The following FHIP1A variants were observed in gnomAD, a reference collection of about 807,000 sequenced individuals.
FHIP1A encodes the protein FHF complex subunit HOOK-interacting protein 1A.
A neutral mutation model predicts 88.6 loss-of-function variants in FHIP1A; 61 were observed. The ratio of observed to expected loss-of-function variants is 0.69; its 90% CI spans 0.56 to 0.85. The LOEUF (loss-of-function observed/expected upper bound fraction) is 0.85, where lower values mean the gene tolerates loss of function less well. Ranked by LOEUF, FHIP1A falls within the 40% of genes least tolerant of loss-of-function variation. FHIP1A has a pLI of 0.00. For missense variants in FHIP1A, 1,154 were observed against 1,273.5 expected (o/e 0.91, Z 1.43); for synonymous variants, 478 against 496.0 (o/e 0.96, Z 0.48).
chr4:151,659,868 G>T (rs1369068940), intron 13 of FHIP1A, among the ~76,000 whole-genome samples: 2 of 152,208 alleles, frequency 1.3e-5, no homozygotes, highest in Non-Finnish European at 2.9e-5. Context: ...CGGACGTCCT[G>T]TTCCCAGTTC....
intron 7 of FHIP1A, among the ~76,000 whole-genome samples, chr4:151,606,323 G>A (rs1039329820): frequency 5.9e-5 from 9 of 152,152 alleles, no homozygotes; most frequent in Admixed American, 4.6e-4. Flanking sequence ...GAGGAAAAAC[G>A]TCTTGAAGTT....
At chr4:151,617,528 G>C (rs746325587) in intron 7 of FHIP1A, among the ~76,000 whole-genome samples, 33 of 152,118 alleles carry the variant, frequency 2.2e-4, no homozygotes, top group Non-Finnish European at 2.9e-5. Flanking sequence ...CCTCTGAACA[G>C]TTCATTCTTG....
intron 3 of FHIP1A, among the ~76,000 whole-genome samples, chr4:151,530,649 AATTGTC>A (rs1731838334): frequency 6.6e-6 from 1 of 152,156 alleles, no homozygotes; most frequent in Admixed American, 6.5e-5. Context: ...AAACGTTTGC[AATTGTC>A]AACTCCTTCT....
At chr4:151,653,434 A>G (rs1737108638) in intron 11 of FHIP1A, among the ~76,000 whole-genome samples, 1 of 151,876 alleles carries the variant, frequency 6.6e-6, no homozygotes, top group African/African-American at 2.4e-5. Context: ...GGGTAAGAGC[A>G]CTGGAACAGG....
chr4:151,427,369 A>G (rs903680437), intron 1 of FHIP1A, among the ~76,000 whole-genome samples: 4 of 152,156 alleles, frequency 2.6e-5, no homozygotes, highest in Non-Finnish European at 5.9e-5. Context: ...GCAAAAGCTT[A>G]AAATTAGACT....
intron 1 of FHIP1A, among the ~76,000 whole-genome samples, chr4:151,422,905 G>A (rs1231247186): frequency 1.3e-5 from 2 of 152,138 alleles, no homozygotes; most frequent in Admixed American, 6.5e-5. Context: ...CCAGTGAATC[G>A]CCATCACTGT....
intron 7 of FHIP1A, among the ~76,000 whole-genome samples, chr4:151,626,316 G>A (rs1334614242): frequency 6.6e-6 from 1 of 152,132 alleles, no homozygotes; most frequent in Admixed American, 6.6e-5. Context: ...AAGATTCTCG[G>A]CATGAAGAAG....
chr4:151,583,073 G>A (rs1024245202), intron 5 of FHIP1A, among the ~76,000 whole-genome samples: 2 of 152,016 alleles, frequency 1.3e-5, no homozygotes, highest in African/African-American at 4.8e-5. Flanking sequence ...GGTCCAACTT[G>A]TTCACTACTC....
chr4:151,580,392 C>T (rs1200980555), intron 5 of FHIP1A, among the ~76,000 whole-genome samples: 1 of 152,168 alleles, frequency 6.6e-6, no homozygotes, highest in Non-Finnish European at 1.5e-5. Flanking sequence ...TATTGCATTA[C>T]AGCAAGGGAC....
chr4:151,532,830 A>G (rs1274070479), intron 3 of FHIP1A, among the ~76,000 whole-genome samples: 2 of 152,180 alleles, frequency 1.3e-5, no homozygotes, highest in Non-Finnish European at 2.9e-5. Context: ...CAGCAGCAAG[A>G]GAAAATGAAG....
intron 5 of FHIP1A, among the ~76,000 whole-genome samples, chr4:151,579,052 A>C (rs1435559495): frequency 6.6e-6 from 1 of 152,160 alleles, no homozygotes; most frequent in East Asian, 1.9e-4. Context: ...AGGTAAAACT[A>C]TGGAGACAGT....
rs993025932 is a variant in FHIP1A, at chr4:151,665,507, C to T, written c.*2753C>T. Among the ~76,000 whole-genome samples the T allele has an allele frequency of 7.2e-5, 11 of 152,150 alleles. No individual in the cohort carries two copies. Among genetic ancestry groups the T allele is most frequent in the African/African-American group, 2.4e-4 (10 of 41,422 alleles). Reference sequence around the variant, plus strand: ...AAAATGGAGCTGGATGTAGAGAGAACAGGAAAACCCATGTGGCTGGGTGAA... The same window carrying T: ...AAAATGGAGCTGGATGTAGAGAGAATAGGAAAACCCATGTGGCTGGGTGAA... On this transcript the variant is annotated 3_prime_UTR_variant, in exon 14 of 14. Transcript: ENST00000435205.
chr4:151,470,738 A>C (rs182178513), intron 2 of FHIP1A, among the ~76,000 whole-genome samples: 2 of 152,304 alleles, frequency 1.3e-5, no homozygotes, highest in Admixed American at 1.3e-4. Flanking sequence ...CTAGCTAGTG[A>C]AACCTGACAG....
intron 1 of FHIP1A, among the ~76,000 whole-genome samples, chr4:151,410,015 G>A (rs932261266): frequency 6.6e-6 from 1 of 152,190 alleles, no homozygotes; most frequent in Non-Finnish European, 1.5e-5. Context: ...ATTATTGATA[G>A]TGTGTATGTG....
chr4:151,492,840 AAG>A (rs1730333389), intron 3 of FHIP1A, among the ~76,000 whole-genome samples: 2 of 152,174 alleles, frequency 1.3e-5, no homozygotes, highest in Admixed American at 1.3e-4. Context: ...AAGCGATGCT[AAG>A]AGGACAGTTC....
chr4:151,636,767 C>T (rs547753769), intron 8 of FHIP1A, among the ~76,000 whole-genome samples: 85 of 152,088 alleles, frequency 5.6e-4, no homozygotes, highest in Non-Finnish European at 8.7e-4. Context: ...AATCGATCTA[C>T]AGTTTCAATG....
intron 1 of FHIP1A, among the ~76,000 whole-genome samples, chr4:151,446,581 CTTTT>C (rs35115788): frequency 9.1e-5 from 10 of 109,960 alleles, no homozygotes; most frequent in Admixed American, 5.9e-4. Flanking sequence ...TGTTCTTTTT[CTTTT>C]TTTTTTTTTT....
intron 1 of FHIP1A, among the ~76,000 whole-genome samples, chr4:151,439,610 A>T (rs896446547): frequency 6.6e-6 from 1 of 152,152 alleles, no homozygotes; most frequent in Admixed American, 6.6e-5. Context: ...CCTCTGTAAC[A>T]TGATGGTCTA....
At chr4:151,468,101 A>T (rs747851214) in intron 2 of FHIP1A, among the ~76,000 whole-genome samples, 52 of 151,642 alleles carry the variant, frequency 3.4e-4, no homozygotes, top group Non-Finnish European at 7.4e-4. Context: ...TGGCTAACGC[A>T]GTGAAACCCC....
Sources: allele counts gnomAD v4.1 joint callset (sites outside exome capture counted in the v4.1 genomes callset), GRCh38; gene constraint gnomAD v4.1.1; transcripts MANE v1.5; gene names NCBI Gene and HGNC (gene_info 2026-07-23, HGNC 2026-07-21).